Variants in ADAMTS12 observed in about 807,000 individuals in gnomAD.
ADAMTS12 encodes the protein ADAM metallopeptidase with thrombospondin type 1 motif 12.
A neutral mutation model predicts 167.8 loss-of-function variants in ADAMTS12; 118 were observed. The ratio of observed to expected loss-of-function variants is 0.70; its 90% CI spans 0.61 to 0.82. The LOEUF (loss-of-function observed/expected upper bound fraction) is 0.82, where lower values mean the gene tolerates loss of function less well. Ranked by LOEUF, ADAMTS12 falls within the 40% of genes least tolerant of loss-of-function variation. ADAMTS12 has a pLI of 0.00. For missense variants in ADAMTS12, 1,916 were observed against 1,998.8 expected (o/e 0.96, Z 0.79); for synonymous variants, 704 against 716.9 (o/e 0.98, Z 0.29).
intron 3 of ADAMTS12, among the ~76,000 whole-genome samples, chr5:33,725,714 G>A (rs927894112): frequency 6.6e-6 from 1 of 152,248 alleles, no homozygotes; most frequent in African/African-American, 2.4e-5. Context: ...CCCTCACGTT[G>A]TGAAGTTTGC....
chr5:33,734,708 A>C (rs1307940980), intron 3 of ADAMTS12, among the ~76,000 whole-genome samples: 1 of 152,184 alleles, frequency 6.6e-6, no homozygotes, highest in Non-Finnish European at 1.5e-5. Context: ...AAGGATGACA[A>C]CACCAAAGGC....
intron 3 of ADAMTS12, among the ~76,000 whole-genome samples, chr5:33,729,872 A>C (rs1228943235): frequency 2.0e-5 from 3 of 152,242 alleles, no homozygotes; most frequent in Non-Finnish European, 2.9e-5. Flanking sequence ...TTGGAAATCA[A>C]TTTGTGTGTG....
intron 14 of ADAMTS12, among the ~76,000 whole-genome samples, 170 bp downstream of exon 14, chr5:33,624,061 C>T (rs1739461401): frequency 6.6e-6 from 1 of 152,224 alleles, no homozygotes; most frequent in Non-Finnish European, 1.5e-5. Context: ...TTTCCTACAA[C>T]TGCCGAAGAA....
At chr5:33,701,710 C>G (rs573093389) in intron 3 of ADAMTS12, among the ~76,000 whole-genome samples, 6 of 152,178 alleles carry the variant, frequency 3.9e-5, no homozygotes, top group Non-Finnish European at 8.8e-5. Context: ...CAGCCTTGCC[C>G]TTCTAAATAA....
At chr5:33,531,864 C>T (rs535195707) in intron 23 of ADAMTS12, among the ~76,000 whole-genome samples, 32 of 152,148 alleles carry the variant, frequency 2.1e-4, no homozygotes, top group East Asian at 7.7e-4. Context: ...AGTGGGGGAC[C>T]GGAAGGAAGA....
At chr5:33,840,556 AGTT>A (rs144299910) in intron 2 of ADAMTS12, among the ~76,000 whole-genome samples, 2,933 of 152,310 alleles carry the variant, frequency 0.019, 58 homozygotes, top group East Asian at 0.065. Context: ...CTCATAGATT[AGTT>A]GTGAAGGTTA....
intron 3 of ADAMTS12, among the ~76,000 whole-genome samples, chr5:33,712,571 T>C (rs1480977026): frequency 3.9e-5 from 6 of 152,118 alleles, no homozygotes; most frequent in Admixed American, 2.0e-4. Context: ...GTAGTTACTA[T>C]AGGTTTTAGG....
intron 18 of ADAMTS12, 53 bp downstream of exon 18, chr5:33,588,546 G>A (rs1485083289): frequency 6.3e-7 from 1 of 1,591,350 alleles, no homozygotes; most frequent in Non-Finnish European, 8.6e-7. Context: ...AAGGAAGGCA[G>A]GGGCTGATGA....
At chr5:33,694,849 A>G (rs1561218797) in intron 3 of ADAMTS12, among the ~76,000 whole-genome samples, 2 of 152,234 alleles carry the variant, frequency 1.3e-5, no homozygotes, top group East Asian at 3.8e-4. Context: ...ATCTTGAGCT[A>G]AGAAAAGTAT....
At chr5:33,757,907 C>G (rs910425317) in intron 2 of ADAMTS12, among the ~76,000 whole-genome samples, 1 of 152,196 alleles carries the variant, frequency 6.6e-6, no homozygotes, top group South Asian at 2.1e-4. Context: ...TTCATCATAG[C>G]ATCGTCTACC....
At chr5:33,750,347 A>C (rs1744930684) in intron 3 of ADAMTS12, among the ~76,000 whole-genome samples, 1 of 152,212 alleles carries the variant, frequency 6.6e-6, no homozygotes, top group Non-Finnish European at 1.5e-5. Flanking sequence ...ATGCTCTGCT[A>C]AGATGATAGA....
At chr5:33,873,582 G>C (rs897176016) in intron 2 of ADAMTS12, among the ~76,000 whole-genome samples, 12 of 152,102 alleles carry the variant, frequency 7.9e-5, no homozygotes, top group African/African-American at 2.9e-4. Flanking sequence ...AATTTATATG[G>C]AGAGTCAAAA....
intron 16 of ADAMTS12, among the ~76,000 whole-genome samples, chr5:33,596,623 C>T (rs1047785842): frequency 3.3e-5 from 5 of 152,044 alleles, no homozygotes; most frequent in African/African-American, 9.7e-5. Flanking sequence ...CGAAGGTTGC[C>T]GTGAGCTGAG....
intron 3 of ADAMTS12, among the ~76,000 whole-genome samples, chr5:33,738,427 C>A (rs1020692140): frequency 6.6e-6 from 1 of 152,072 alleles, no homozygotes; most frequent in Non-Finnish European, 1.5e-5. Flanking sequence ...TGAAGGTATG[C>A]AAATTAAGTG....
At chr5:33,751,642 G>T in intron 2 of ADAMTS12, 94 bp from the exon 3 acceptor site, 1 of 1,271,586 alleles carries the variant, frequency 7.9e-7, no homozygotes, top group Non-Finnish European at 1.1e-6. Context: ...GAGTATCTCT[G>T]AAACTCCTAA....
At chr5:33,648,746 A>G in intron 9 of ADAMTS12, 76 bp downstream of exon 9, 12 of 1,559,674 alleles carry the variant, frequency 7.7e-6, no homozygotes, top group Non-Finnish European at 1.0e-5. Context: ...AGTTATTTCC[A>G]AATATTGTCC....
intron 12 of ADAMTS12, among the ~76,000 whole-genome samples, chr5:33,635,860 C>G (rs377324608): frequency 4.3e-4 from 65 of 152,138 alleles, no homozygotes; most frequent in African/African-American, 1.5e-3. Context: ...AAGTCATTGT[C>G]TGCTAATGAA....
chr5:33,688,155 A>G (rs893066112), intron 3 of ADAMTS12, among the ~76,000 whole-genome samples: 2 of 152,266 alleles, frequency 1.3e-5, no homozygotes, highest in African/African-American at 4.8e-5. Context: ...GCACAAGCAA[A>G]GAACTGAAGA....
chr5:33,839,928 G>A (rs145326083), intron 2 of ADAMTS12, among the ~76,000 whole-genome samples: 1,547 of 152,258 alleles, frequency 0.01, 37 homozygotes, highest in South Asian at 0.092. Flanking sequence ...TGACTAGCTA[G>A]GAAGAAAAAG....
Sources: allele counts gnomAD v4.1 joint callset (sites outside exome capture counted in the v4.1 genomes callset), GRCh38; gene constraint gnomAD v4.1.1; transcripts MANE v1.5; gene names NCBI Gene and HGNC (gene_info 2026-07-23, HGNC 2026-07-21).